Variants in FIS1 observed in about 807,000 individuals in gnomAD.
FIS1 encodes fission, mitochondrial 1.
Under a neutral mutation model 21.6 loss-of-function variants are expected in FIS1, and 16 were observed. The ratio of observed to expected loss-of-function variants is 0.74; its 90% CI spans 0.50 to 1.12. The LOEUF (loss-of-function observed/expected upper bound fraction) is 1.12, where lower values mean the gene tolerates loss of function less well. Among genes scored for constraint, FIS1 ranks in the 50% most tolerant of loss-of-function variants. The pLI is 0.00. For synonymous variants in FIS1, 92 were observed against 82.2 expected (o/e 1.12, Z -0.65); for missense variants, 198 against 190.9 (o/e 1.04, Z -0.22).
At chr7:101,240,116 C>A (rs781558474) in intron 4 of FIS1, 26 bp downstream of exon 4, 9 of 1,610,700 alleles carry the variant, frequency 5.6e-6, no homozygotes, top group Non-Finnish European at 4.2e-6. Context: ...AAGAGCGGGG[C>A]TGAACAAAGG....
At chr7:101,240,789 AGCC>A (rs758955458) in intron 3 of FIS1, 38 bp downstream of exon 3, 3 of 1,595,878 alleles carry the variant, frequency 1.9e-6, no homozygotes, top group African/African-American at 2.7e-5. Flanking sequence ...AAGGTCCTGC[AGCC>A]CCAGAGGAGG....
chr7:101,244,957 C>T lies in FIS1; in HGVS notation c.45+3G>A, dbSNP rs368668851. 434 of 1,614,106 alleles carry T rather than the reference C, an allele frequency of 2.7e-4. 17 individuals carry two copies. Among genetic ancestry groups the T allele is most frequent in the East Asian group, 2.0e-3 (91 of 44,880 alleles). On this transcript the variant is annotated splice_donor_region_variant and intron_variant, in intron 1 of 4. Coordinates refer to ENST00000223136, the MANE Select transcript of FIS1 (RefSeq NM_016068.3). ...CTTTCCCTCTGTCCGGGCCAGGCCTCACCAGCAGGTCCTCCACAGACACCA... is the reference window on the plus strand; with the variant it reads ...CTTTCCCTCTGTCCGGGCCAGGCCTTACCAGCAGGTCCTCCACAGACACCA...
intron 1 of FIS1, chr7:101,244,648 A>C: frequency 2.0e-6 from 1 of 505,348 alleles, no homozygotes. Flanking sequence ...TGGTCACTGT[A>C]TTCCTCCACC....
intron 1 of FIS1, chr7:101,244,714 T>A: frequency 1.8e-6 from 1 of 570,828 alleles, no homozygotes; most frequent in East Asian, 2.9e-5. Context: ...CCCGTCAGTC[T>A]AACCACGGTC....
At chr7:101,241,957 G>A (rs907212525) in intron 2 of FIS1, among the ~76,000 whole-genome samples, 1 of 151,672 alleles carries the variant, frequency 6.6e-6, no homozygotes, top group African/African-American at 2.4e-5. Flanking sequence ...AACAAAAAAC[G>A]GAGACAGGGT....
intron 3 of FIS1, 73 bp downstream of exon 3, chr7:101,240,757 C>G (rs1798735433): frequency 6.9e-7 from 1 of 1,439,920 alleles, no homozygotes; most frequent in Non-Finnish European, 9.8e-7. Context: ...GTCCAGGGCT[C>G]CACCCTGGAG....
At chr7:101,243,935 T>C in intron 2 of FIS1, 72 bp downstream of exon 2, 1 of 1,533,072 alleles carries the variant, frequency 6.5e-7, no homozygotes, top group Non-Finnish European at 8.8e-7. Flanking sequence ...AACTCAGAGG[T>C]GCCTGGACTA....
chr7:101,243,919 G>A lies in FIS1; in HGVS notation c.178+88C>T, dbSNP rs1798779837. 37 of 1,487,142 alleles carry A rather than the reference G, an allele frequency of 2.5e-5. No individual in the cohort carries two copies. In the South Asian group the frequency reaches 3.2e-4, roughly 13 times the overall value. 92.1% of individuals were successfully genotyped at this position (1,487,142 alleles called of 1,614,324 possible). ...TAGCCCTTGGTGCAGTAAATCTACCGGAGACAACTCAGAGGTGCCTGGACT... is the reference window on the plus strand; with the variant it reads ...TAGCCCTTGGTGCAGTAAATCTACCAGAGACAACTCAGAGGTGCCTGGACT... On this transcript the variant is annotated intron_variant, in intron 2 of 4. Transcript: ENST00000223136.
intron 2 of FIS1, among the ~76,000 whole-genome samples, chr7:101,243,479 T>C (rs1798773572): frequency 6.6e-6 from 1 of 152,144 alleles, no homozygotes; most frequent in South Asian, 2.1e-4. Context: ...AGGATGTTGA[T>C]GCAGGAGAAT....
rs763087792 is a variant in FIS1 at position 101,244,084 on chromosome 7, G to T, written c.101C>A (p.Thr34Lys). 7 of 1,614,130 alleles carry T rather than the reference G, an allele frequency of 4.3e-6. No individual in the cohort carries two copies. The highest frequency in any genetic ancestry group is 5.9e-6 in the Non-Finnish European group (7 of 1,180,006). ...EKAAGSVSKS[T>K]QFEYAWCLVR... ...CAGGCACCAGGCGTACTCAAACTGCGTGCTCTTGGACACCGAGCCTGCTGC... is the reference window on the plus strand; with the variant it reads ...CAGGCACCAGGCGTACTCAAACTGCTTGCTCTTGGACACCGAGCCTGCTGC... The change falls in exon 2 of 5, where the codon ACG (threonine) becomes AAG (lysine). Residue 34 changes from threonine (T) to lysine (K), a missense_variant. Physicochemically the swap from Thr to Lys is moderately conservative, Grantham distance 78. Coordinates refer to ENST00000223136, the MANE Select transcript of FIS1 (RefSeq NM_016068.3).
In FIS1 at chr7:101,239,674, C is replaced by A; in HGVS notation, c.*132G>T. ...CAAAGCACATGATGGGGCTGAAGGACGAATCTCAGGGGAGCAGAAATTAGC... is the reference window on the plus strand; with the variant it reads ...CAAAGCACATGATGGGGCTGAAGGAAGAATCTCAGGGGAGCAGAAATTAGC... On this transcript the variant is annotated 3_prime_UTR_variant, in exon 5 of 5. Coordinates refer to ENST00000223136, the MANE Select transcript of FIS1 (RefSeq NM_016068.3). 2.6e-6 allele frequency: 2 copies of A among 780,484 alleles called. No homozygotes were observed. Among genetic ancestry groups the A allele is most frequent in the East Asian group, 2.7e-5 (1 of 37,458 alleles). 48.3% of individuals were successfully genotyped at this position (780,484 alleles called of 1,614,324 possible). A position where few individuals can be genotyped will look rare whatever the true frequency, so the allele number is the denominator to read the frequency against.
chr7:101,242,582 G>A (rs1048198240), intron 2 of FIS1, among the ~76,000 whole-genome samples: 14 of 147,784 alleles, frequency 9.5e-5, no homozygotes, highest in African/African-American at 1.5e-4. Context: ...TCTGTCTCCC[G>A]AGTTCAAGTG....
chr7:101,240,018 A>C lies in FIS1; in HGVS notation c.362-115T>G. 4.3e-6 allele frequency: 6 copies of C among 1,407,192 alleles called. No homozygotes were observed. The South Asian group carries it at 7.3e-5, about 17-fold the overall frequency. The allele number at this position is 1,407,192 out of a possible 1,614,324, so 87.2% of individuals were successfully genotyped here. A position where few individuals can be genotyped will look rare whatever the true frequency, so the allele number is the denominator to read the frequency against. On this transcript the variant is annotated intron_variant, in intron 4 of 4. Transcript: ENST00000223136. ...ACACCCCTACCTGGAGTCGCAGGGCAAGGGGCTCTAAGAACTGGAAGGGGT... is the reference window on the plus strand; with the variant it reads ...ACACCCCTACCTGGAGTCGCAGGGCCAGGGGCTCTAAGAACTGGAAGGGGT...
In FIS1 at chr7:101,245,017, C is replaced by T. The variant is rs1798798796; in HGVS notation, c.-13G>A. 2 of 1,613,742 alleles carry T rather than the reference C, an allele frequency of 1.2e-6. No homozygotes were observed. The highest frequency in any genetic ancestry group is 3.3e-5 in the Admixed American group (2 of 59,980). On this transcript the variant is annotated 5_prime_UTR_variant, in exon 1 of 5. Coordinates refer to ENST00000223136, the MANE Select transcript of FIS1 (RefSeq NM_016068.3). ...GCACGGCCTCCATGGCCACTGCCCC[C>T]GCGAGCCTCACACTACAGTCTACTG...
At chr7:101,241,088 A>C in intron 2 of FIS1, 182 bp from the exon 3 acceptor site, 2 of 623,516 alleles carry the variant, frequency 3.2e-6, no homozygotes, top group South Asian at 3.8e-5. Context: ...GGACAGGGTG[A>C]ACCCCAGCTG....
rs1252825727 is a variant in FIS1 at position 101,239,769 on chromosome 7, C to A, written c.*37G>T. On this transcript the variant is annotated 3_prime_UTR_variant, in exon 5 of 5. Coordinates refer to ENST00000223136, the MANE Select transcript of FIS1 (RefSeq NM_016068.3). ...GAAAGGACAGCGAGGATGGACAGGC[C>A]CTCCTGGAGCGTTCTCCGTGGGCTC... 6.6e-7 allele frequency: 1 copy of A among 1,506,380 alleles called. No homozygotes were observed. Among genetic ancestry groups the A allele is most frequent in the South Asian group, 1.2e-5 (1 of 83,686 alleles). 93.3% of individuals were successfully genotyped at this position (1,506,380 alleles called of 1,614,324 possible). A position where few individuals can be genotyped will look rare whatever the true frequency, so the allele number is the denominator to read the frequency against.
At chr7:101,241,007 T>C in intron 2 of FIS1, 101 bp from the exon 3 acceptor site, 4 of 1,151,764 alleles carry the variant, frequency 3.5e-6, no homozygotes, top group Non-Finnish European at 5.1e-6. Context: ...GCCTCTGTGA[T>C]CCTGGGAGGG....
rs200236320 is a variant in FIS1 at position 101,240,266 on chromosome 7, G to A, written c.256-19C>T. On this transcript the variant is annotated intron_variant, in intron 3 of 4. Coordinates refer to ENST00000223136, the MANE Select transcript of FIS1 (RefSeq NM_016068.3). ...CGTATTCCTGCGCTCGGGGAAACGCGCACGCGTCATACACACCGCAGTGTT... is the reference window on the plus strand; with the variant it reads ...CGTATTCCTGCGCTCGGGGAAACGCACACGCGTCATACACACCGCAGTGTT... 5.0e-6 allele frequency: 8 copies of A among 1,611,210 alleles called. No individual in the cohort carries two copies. Among genetic ancestry groups the A allele is most frequent in the Admixed American group, 3.3e-5 (2 of 60,010 alleles).
At chr7:101,244,861 G>T (rs749373169) in intron 1 of FIS1, 99 bp downstream of exon 1, 26 of 1,492,584 alleles carry the variant, frequency 1.7e-5, no homozygotes, top group Non-Finnish European at 2.3e-5. Context: ...GGCTTCCCTC[G>T]GCCAAGCCGA....
Sources: allele counts gnomAD v4.1 joint callset (sites outside exome capture counted in the v4.1 genomes callset), GRCh38; gene constraint gnomAD v4.1.1; transcripts MANE v1.5; gene names NCBI Gene and HGNC (gene_info 2026-07-23, HGNC 2026-07-21).